The following DLGAP1 variants were observed in gnomAD, a reference collection of about 807,000 sequenced individuals.
DLGAP1 encodes DLG associated protein 1.
A neutral mutation model predicts 90.8 loss-of-function variants in DLGAP1; 11 were observed. The observed-to-expected ratio is 0.12, with a 90% CI of 0.08 to 0.20. The LOEUF is 0.20. Among genes scored for constraint, DLGAP1 ranks in the 10% least tolerant of loss-of-function variants. The pLI is 1.00. For synonymous variants in DLGAP1, 558 were observed against 540.7 expected (o/e 1.03, Z -0.44); for missense variants, 1,050 against 1,333.8 (o/e 0.79, Z 3.31).
intron 5 of DLGAP1, among the ~76,000 whole-genome samples, chr18:3,798,979 G>C (rs761618988): frequency 6.6e-6 from 1 of 151,816 alleles, no homozygotes; most frequent in Non-Finnish European, 1.5e-5. Flanking sequence ...GTTCAAGCGA[G>C]TCTCCTGCCT....
intron 1 of DLGAP1, among the ~76,000 whole-genome samples, chr18:4,338,037 A>C (rs900749397): frequency 1.3e-5 from 2 of 152,198 alleles, no homozygotes; most frequent in African/African-American, 4.8e-5. Flanking sequence ...TGCTGTATTT[A>C]AGATAATAAT....
intron 5 of DLGAP1, among the ~76,000 whole-genome samples, chr18:3,785,024 C>T (rs1485180908): frequency 6.6e-6 from 1 of 152,174 alleles, no homozygotes; most frequent in Non-Finnish European, 1.5e-5. Context: ...CCTTACTTTA[C>T]AGACTGAAAA....
intron 9 of DLGAP1, among the ~76,000 whole-genome samples, chr18:3,552,783 C>T (rs1006859305): frequency 1.3e-5 from 2 of 152,196 alleles, no homozygotes; most frequent in Non-Finnish European, 2.9e-5. Flanking sequence ...CTTTTTAGCT[C>T]CATCTTCATC....
chr18:4,171,161 G>C (rs761496398), intron 1 of DLGAP1, among the ~76,000 whole-genome samples: 4 of 152,054 alleles, frequency 2.6e-5, no homozygotes, highest in African/African-American at 4.8e-5. Flanking sequence ...TGAAAAGTAC[G>C]ATATAAATAA....
intron 2 of DLGAP1, among the ~76,000 whole-genome samples, chr18:4,010,392 T>TA: frequency 6.6e-6 from 1 of 151,948 alleles, no homozygotes; most frequent in African/African-American, 2.4e-5. Flanking sequence ...AAAAAAATAT[T>TA]AAAAAACTAG....
At chr18:4,203,281 A>AG (rs1179373396) in intron 1 of DLGAP1, among the ~76,000 whole-genome samples, 1 of 151,846 alleles carries the variant, frequency 6.6e-6, no homozygotes, top group Non-Finnish European at 1.5e-5. Flanking sequence ...AAAAAAAAAA[A>AG]AGATACTCTT....
At chr18:3,829,819 G>C (rs1414556912) in intron 4 of DLGAP1, among the ~76,000 whole-genome samples, 1 of 152,162 alleles carries the variant, frequency 6.6e-6, no homozygotes, top group Non-Finnish European at 1.5e-5. Flanking sequence ...GCAACACCTA[G>C]ATTAGGGTTT....
intron 1 of DLGAP1, among the ~76,000 whole-genome samples, chr18:4,174,693 T>C (rs2077077946): frequency 6.6e-6 from 1 of 152,176 alleles, no homozygotes. Context: ...ACATGCTGGT[T>C]TGTTACATAG....
chr18:3,521,043 T>C (rs510668), intron 10 of DLGAP1, among the ~76,000 whole-genome samples: 112,908 of 151,994 alleles, frequency 0.74, 41,992 homozygotes, highest in Admixed American at 0.8. Context: ...AATGTAATCC[T>C]GAGCTCACTT....
intron 5 of DLGAP1, among the ~76,000 whole-genome samples, chr18:3,791,106 C>T (rs1224553238): frequency 3.3e-5 from 5 of 152,152 alleles, no homozygotes; most frequent in African/African-American, 1.2e-4. Context: ...CAATAAAGAC[C>T]TGTCAACTAT....
intron 2 of DLGAP1, among the ~76,000 whole-genome samples, chr18:4,043,392 T>C (rs1019857216): frequency 6.6e-6 from 1 of 152,194 alleles, no homozygotes; most frequent in African/African-American, 2.4e-5. Flanking sequence ...TCTGGGCAGA[T>C]GTCTTTCTGT....
intron 7 of DLGAP1, chr18:3,722,223 G>C (rs1235772750): frequency 6.6e-6 from 1 of 152,158 alleles, no homozygotes; most frequent in Non-Finnish European, 1.5e-5. Flanking sequence ...AGCCCCTCAA[G>C]GTTGGCACTC....
intron 4 of DLGAP1, among the ~76,000 whole-genome samples, chr18:3,869,027 T>C (rs1316621139): frequency 6.6e-6 from 1 of 152,184 alleles, no homozygotes; most frequent in African/African-American, 2.4e-5. Flanking sequence ...AGAGTTCCCT[T>C]GTAGACACCT....
intron 5 of DLGAP1, among the ~76,000 whole-genome samples, chr18:3,788,100 T>C (rs188376034): frequency 6.6e-6 from 1 of 152,316 alleles, no homozygotes; most frequent in Non-Finnish European, 1.5e-5. Flanking sequence ...AAGAAGAATT[T>C]ACTACCCCTG....
chr18:4,257,999 G>T (rs2078927774), intron 1 of DLGAP1, among the ~76,000 whole-genome samples: 1 of 143,544 alleles, frequency 7.0e-6, no homozygotes, highest in Non-Finnish European at 1.5e-5. Flanking sequence ...GTGTGTGTGT[G>T]TGTGTGTGTG....
chr18:3,717,375 C>G (rs1568006917), intron 7 of DLGAP1, among the ~76,000 whole-genome samples: 1 of 152,122 alleles, frequency 6.6e-6, no homozygotes, highest in Non-Finnish European at 1.5e-5. Flanking sequence ...GTAGGAATTT[C>G]ACCTCCACGG....
At chr18:4,115,824 T>C (rs995287211) in intron 2 of DLGAP1, among the ~76,000 whole-genome samples, 2 of 152,202 alleles carry the variant, frequency 1.3e-5, no homozygotes, top group African/African-American at 2.4e-5. Context: ...CTCTGCACTG[T>C]TTTTGTCAAA....
chr18:4,448,472 A>T (rs939683254), intron 1 of DLGAP1, among the ~76,000 whole-genome samples: 1 of 152,164 alleles, frequency 6.6e-6, no homozygotes, highest in Non-Finnish European at 1.5e-5. Context: ...CTTAGGATTC[A>T]TATCATCAAA....
At chr18:3,547,495 C>G (rs1185062574) in intron 9 of DLGAP1, among the ~76,000 whole-genome samples, 3 of 151,038 alleles carry the variant, frequency 2.0e-5, no homozygotes, top group African/African-American at 7.3e-5. Flanking sequence ...ATAAAAATGG[C>G]CAATAGAGAC....
Sources: gnomAD v4.1 joint callset for allele counts (sites outside exome capture counted in the v4.1 genomes callset) on GRCh38, gnomAD v4.1.1 for gene constraint, MANE v1.5 for transcripts, NCBI Gene and HGNC (gene_info 2026-07-23, HGNC 2026-07-21) for gene names.